TMTC1: variants seen among roughly 807,000 people sequenced by gnomAD.
TMTC1 encodes the protein protein O-mannosyl-transferase TMTC1.
TMTC1 carries 73 observed loss-of-function variants against 104.8 expected under a neutral mutation model. The ratio of observed to expected loss-of-function variants is 0.70; its 90% CI spans 0.58 to 0.85. The LOEUF (loss-of-function observed/expected upper bound fraction) is 0.85, where lower values mean the gene tolerates loss of function less well. Among genes scored for constraint, TMTC1 ranks in the 40% least tolerant of loss-of-function variants. The pLI is 0.00. For missense variants in TMTC1, 1,035 were observed against 1,096.1 expected (o/e 0.94, Z 0.79); for synonymous variants, 434 against 428.7 (o/e 1.01, Z -0.15).
intron 5 of TMTC1, among the ~76,000 whole-genome samples, chr12:29,648,469 T>C (rs991725984): frequency 2.0e-5 from 3 of 152,098 alleles, no homozygotes; most frequent in Non-Finnish European, 2.9e-5. Context: ...TAAGTCAGAG[T>C]GCAATAAAAT....
At chr12:29,744,940 T>G (rs536707825) in intron 5 of TMTC1, among the ~76,000 whole-genome samples, 1 of 152,228 alleles carries the variant, frequency 6.6e-6, no homozygotes, top group Non-Finnish European at 1.5e-5. Flanking sequence ...TTTTTTTCTT[T>G]TTAGAGGCAG....
intron 6 of TMTC1, among the ~76,000 whole-genome samples, chr12:29,608,724 CTTAA>C (rs1197720347): frequency 6.6e-6 from 1 of 152,126 alleles, no homozygotes; most frequent in Non-Finnish European, 1.5e-5. Context: ...AAAATCCTGT[CTTAA>C]CACCCAGACG....
At chr12:29,749,004 G>A (rs1943024234) in intron 5 of TMTC1, among the ~76,000 whole-genome samples, 1 of 152,094 alleles carries the variant, frequency 6.6e-6, no homozygotes, top group South Asian at 2.1e-4. Flanking sequence ...TGGCATCATG[G>A]CGGACTATGA....
At chr12:29,520,288 C>T (rs753196617) in intron 12 of TMTC1, among the ~76,000 whole-genome samples, 12 of 152,118 alleles carry the variant, frequency 7.9e-5, no homozygotes, top group Admixed American at 2.0e-4. Context: ...GCAGGTTTTG[C>T]ATCATTGTAG....
In TMTC1 at chr12:29,545,676, C is replaced by CACACACACACACACACACACAG. The variant is rs1555167547; in HGVS notation, c.1677-9360_1677-9359insCTGTGTGTGTGTGTGTGTGTGT. 1.2e-3 allele frequency among the ~76,000 whole-genome samples: 169 copies of CACACACACACACACACACACAG among 137,930 alleles called. 6 individuals carry two copies. The highest frequency in any genetic ancestry group is 4.1e-3 in the African/African-American group (145 of 35,636). The allele number at this position is 137,930 out of a possible 152,430, so 90.5% of individuals were successfully genotyped here. Reference sequence around the variant, plus strand: ...ACACACACACACACACACACACACACGGATAGAAACTAAGCCTCAGCAAAG... The same window carrying CACACACACACACACACACACAG: ...ACACACACACACACACACACACACACACACACACACACACACACACAGGGATAGAAACTAAGCCTCAGCAAAG... On this transcript the variant is annotated intron_variant, in intron 10 of 17. Transcript: ENST00000539277.
intron 5 of TMTC1, among the ~76,000 whole-genome samples, chr12:29,736,713 C>T (rs1445122193): frequency 1.3e-5 from 2 of 152,160 alleles, no homozygotes; most frequent in Non-Finnish European, 2.9e-5. Context: ...CCACCAGGCC[C>T]GGCCTAAATT....
intron 2 of TMTC1, among the ~76,000 whole-genome samples, chr12:29,761,250 C>T (rs1386399785): frequency 1.3e-5 from 2 of 151,046 alleles, no homozygotes; most frequent in East Asian, 1.9e-4. Flanking sequence ...AGAGAAATGA[C>T]TAATGCTTTC....
At chr12:29,545,624 C>G (rs1237467686) in intron 10 of TMTC1, among the ~76,000 whole-genome samples, 1 of 140,050 alleles carries the variant, frequency 7.1e-6, no homozygotes, top group South Asian at 2.4e-4. Flanking sequence ...CAGAGCAAGA[C>G]TCTGTCACAC....
At chr12:29,543,796 A>T (rs1040893352) in intron 10 of TMTC1, among the ~76,000 whole-genome samples, 1 of 152,178 alleles carries the variant, frequency 6.6e-6, no homozygotes, top group Non-Finnish European at 1.5e-5. Context: ...CTTCCTTTAG[A>T]TTCAAGTTTA....
At chr12:29,676,635 C>A (rs1213766544) in intron 5 of TMTC1, among the ~76,000 whole-genome samples, 1 of 152,196 alleles carries the variant, frequency 6.6e-6, no homozygotes, top group Admixed American at 6.5e-5. Flanking sequence ...CGAAAGGTCA[C>A]CTCCAGGAGC....
chr12:29,563,816 CCT>C (rs1488018121), intron 9 of TMTC1, among the ~76,000 whole-genome samples: 1 of 152,144 alleles, frequency 6.6e-6, no homozygotes, highest in Non-Finnish European at 1.5e-5. Flanking sequence ...CTGTCCTTGC[CCT>C]CAAGAGCGCC....
intron 7 of TMTC1, among the ~76,000 whole-genome samples, chr12:29,590,557 C>G (rs188840507): frequency 6.6e-6 from 1 of 152,266 alleles, no homozygotes; most frequent in Non-Finnish European, 1.5e-5. Flanking sequence ...GAGGCCAAGG[C>G]GGGCAGATCA....
intron 11 of TMTC1, among the ~76,000 whole-genome samples, chr12:29,522,419 A>G (rs1050040269): frequency 1.3e-5 from 2 of 152,176 alleles, no homozygotes; most frequent in African/African-American, 4.8e-5. Context: ...GTCTCTAAAT[A>G]TATGTTTTTT....
At chr12:29,693,534 G>A (rs908956880) in intron 5 of TMTC1, among the ~76,000 whole-genome samples, 2 of 151,872 alleles carry the variant, frequency 1.3e-5, no homozygotes, top group African/African-American at 2.4e-5. Flanking sequence ...TTCCCCACCC[G>A]TTCCCAGCCT....
At chr12:29,778,990 A>C (rs1323835932) in intron 1 of TMTC1, among the ~76,000 whole-genome samples, 1 of 152,200 alleles carries the variant, frequency 6.6e-6, no homozygotes, top group Non-Finnish European at 1.5e-5. Flanking sequence ...GCTAAAATAC[A>C]TGTCTGTTTT....
intron 6 of TMTC1, among the ~76,000 whole-genome samples, chr12:29,608,400 A>C (rs1258296198): frequency 2.0e-5 from 3 of 152,246 alleles, no homozygotes; most frequent in African/African-American, 7.2e-5. Context: ...CATTTTTAGG[A>C]CAAAGAACGA....
chr12:29,636,156 G>A (rs780172846), intron 5 of TMTC1, among the ~76,000 whole-genome samples: 25 of 152,214 alleles, frequency 1.6e-4, no homozygotes, highest in Non-Finnish European at 2.5e-4. Context: ...AATAATTGAC[G>A]AAGAGGAAGG....
At chr12:29,662,865 G>A (rs754960118) in intron 5 of TMTC1, among the ~76,000 whole-genome samples, 12 of 152,040 alleles carry the variant, frequency 7.9e-5, no homozygotes, top group Non-Finnish European at 1.2e-4. Flanking sequence ...TGGAGAAAAC[G>A]AGGAGTCCAA....
chr12:29,516,292 G>A, intron 15 of TMTC1, 57 bp downstream of exon 15: 1 of 1,561,400 alleles, frequency 6.4e-7, no homozygotes, highest in Non-Finnish European at 8.7e-7. Context: ...AATCACTTAG[G>A]TGCACCCCAT....
Sources: allele counts gnomAD v4.1 joint callset (sites outside exome capture counted in the v4.1 genomes callset), GRCh38; gene constraint gnomAD v4.1.1; transcripts MANE v1.5; gene names NCBI Gene and HGNC (gene_info 2026-07-23, HGNC 2026-07-21).